The following CACNA2D2 variants were observed in gnomAD, a reference collection of about 807,000 sequenced individuals.
CACNA2D2 encodes calcium voltage-gated channel auxiliary subunit alpha2delta 2.
A neutral mutation model predicts 166.4 loss-of-function variants in CACNA2D2; 48 were observed. The ratio of observed to expected loss-of-function variants is 0.29; its 90% CI spans 0.23 to 0.37. CACNA2D2 has a LOEUF of 0.37. Among genes scored for constraint, CACNA2D2 ranks in the 10% least tolerant of loss-of-function variants. CACNA2D2 has a pLI of 1.00. For synonymous variants in CACNA2D2, 561 were observed against 573.7 expected (o/e 0.98, Z 0.32); for missense variants, 1,122 against 1,433.0 (o/e 0.78, Z 3.50).
chr3:50,462,332 G>A (rs1709623883), intron 2 of CACNA2D2, among the ~76,000 whole-genome samples: 2 of 151,104 alleles, frequency 1.3e-5, no homozygotes, highest in African/African-American at 4.9e-5. Flanking sequence ...AGGTTGCAGT[G>A]AGCTGAGATG....
intron 2 of CACNA2D2, among the ~76,000 whole-genome samples, chr3:50,442,148 G>C (rs1040354408): frequency 6.6e-5 from 10 of 152,198 alleles, no homozygotes; most frequent in Non-Finnish European, 1.3e-4. Context: ...TCACGAGGAT[G>C]CTTTGGGGAC....
chr3:50,500,762 G>A (rs908146656), intron 1 of CACNA2D2, among the ~76,000 whole-genome samples: 13 of 47,578 alleles, frequency 2.7e-4, no homozygotes, highest in South Asian at 5.2e-4. Context: ...CCCACCCCCC[G>A]CCCAAAAAAA....
At position 50,379,557 on chromosome 3, in the gene CACNA2D2, T is replaced by C; in HGVS notation, c.1027A>G (p.Thr343Ala). Residue 343 changes from threonine to alanine, a missense_variant, in exon 11 of 38, where the codon ACA (threonine) becomes GCA (alanine). Coordinates refer to ENST00000424201, the MANE Select transcript of CACNA2D2 (RefSeq NM_006030.4). The surrounding 1 kb of genome is among the most constrained non-coding windows in gnomAD (Gnocchi z 6.5). ...NEKAQPVSCFTHLVQANVRNK... is the reference protein window; with the variant it reads ...NEKAQPVSCFAHLVQANVRNK... ...CGCACATTGGCCTGCACCAGGTGTGTGAAGCATGACACAGGCTGTGCCTTC... is the reference window on the plus strand; with the variant it reads ...CGCACATTGGCCTGCACCAGGTGTGCGAAGCATGACACAGGCTGTGCCTTC... 6.2e-7 allele frequency: 1 copy of C among 1,613,966 alleles called. No individual in the cohort carries two copies. Among genetic ancestry groups the C allele is most frequent in the Non-Finnish European group, 8.5e-7 (1 of 1,180,028 alleles).
chr3:50,367,218 G>T lies in CACNA2D2; in HGVS notation c.2402-109C>A. 1.0e-6 allele frequency: 1 copy of T among 999,312 alleles called. No individual in the cohort carries two copies. The highest frequency in any genetic ancestry group is 1.5e-6 in the Non-Finnish European group (1 of 648,256). The allele number at this position is 999,312 out of a possible 1,614,324, so 61.9% of individuals were successfully genotyped here. A position where few individuals can be genotyped will look rare whatever the true frequency, so the allele number is the denominator to read the frequency against. On this transcript the variant is annotated intron_variant, in intron 27 of 37. Coordinates refer to ENST00000424201, the MANE Select transcript of CACNA2D2 (RefSeq NM_006030.4). This position sits in a 1 kb window ranked among gnomAD's most constrained non-coding sequence, Gnocchi z 6.5. ...CAATCCCGGGATGACTCCAGCCCAA[G>T]CACCCAGCACTCAGGACAGTGTTTG...
rs1446692824 is a variant in CACNA2D2 at position 50,398,141 on chromosome 3, G to C, written c.406-3973C>G. On this transcript the variant is annotated intron_variant, in intron 3 of 37. Coordinates refer to ENST00000424201, the MANE Select transcript of CACNA2D2 (RefSeq NM_006030.4). ...ACCTATTGGGATACCACGCAGGGCA[G>C]GGACAGGGTGCCTGTCTCTGGAGTG... is the stretch of plus-strand genomic sequence containing the variant. Among the ~76,000 whole-genome samples, 6 of 152,344 alleles carry C rather than the reference G, an allele frequency of 3.9e-5. No individual in the cohort carries two copies. The South Asian group carries it at 1.0e-3, about 26-fold the overall frequency.
Position 50,503,342 on chromosome 3 carries a change from G to T in CACNA2D2, c.82C>A (p.His28Asn), listed in dbSNP as rs1699065307. The change falls in exon 1 of 38, where the codon CAC becomes AAC. Residue 28 changes from histidine to asparagine, a missense_variant. Transcript: ENST00000424201. The stretch of plus-strand genomic sequence containing the variant: ...GGGCGCCGGGTGCCGGGGCCAGGGT[G>T]GGGGCCGCAGCCGGGCCAGGGGCGC... ...TARPWPGCGP[H>N]PGPGTRRPTS... 1 of 353,996 alleles carries T rather than the reference G, an allele frequency of 2.8e-6. No homozygotes were observed. Among genetic ancestry groups the T allele is most frequent in the Non-Finnish European group, 4.8e-6 (1 of 210,054 alleles). 21.9% of individuals were successfully genotyped at this position (353,996 alleles called of 1,614,324 possible). A position where few individuals can be genotyped will look rare whatever the true frequency, so the allele number is the denominator to read the frequency against.
chr3:50,467,465 G>A (rs2236988), intron 2 of CACNA2D2, among the ~76,000 whole-genome samples: 21,570 of 152,152 alleles, frequency 0.14, 2,828 homozygotes, highest in East Asian at 0.62. Flanking sequence ...GAGCACTGCC[G>A]CTTTGCTTCT....
chr3:50,390,412 C>G (rs1705826426), intron 4 of CACNA2D2, among the ~76,000 whole-genome samples: 1 of 152,280 alleles, frequency 6.6e-6, no homozygotes, highest in South Asian at 2.1e-4. Flanking sequence ...ATGAAGAGAA[C>G]AGGGAGCTGG....
In CACNA2D2 at chr3:50,367,236, A is replaced by C. The variant is rs1704358864; in HGVS notation, c.2402-127T>G. On this transcript the variant is annotated intron_variant, in intron 27 of 37. Coordinates refer to ENST00000424201, the MANE Select transcript of CACNA2D2 (RefSeq NM_006030.4). The surrounding 1 kb of genome is among the most constrained non-coding windows in gnomAD (Gnocchi z 6.5). ...AGCCCAAGCACCCAGCACTCAGGAC[A>C]GTGTTTGGCACAGTCTATCCCTCTT... 1 of 979,016 alleles carries C rather than the reference A, an allele frequency of 1.0e-6. No individual in the cohort carries two copies. Among genetic ancestry groups the C allele is most frequent in the Non-Finnish European group, 1.6e-6 (1 of 631,064 alleles). 60.6% of individuals were successfully genotyped at this position (979,016 alleles called of 1,614,324 possible). A position where few individuals can be genotyped will look rare whatever the true frequency, so the allele number is the denominator to read the frequency against.
In CACNA2D2 at chr3:50,374,740, T is replaced by C; in HGVS notation, c.1981A>G (p.Lys661Glu). 6.3e-7 allele frequency: 1 copy of C among 1,592,712 alleles called. No individual in the cohort carries two copies. The highest frequency in any genetic ancestry group is 8.5e-7 in the Non-Finnish European group (1 of 1,169,982). ...AGGCAGGGGCCGGGCCACTTACACT[T>C]GACCTGCAGGATCTGGTCACTGAGA... is the stretch of plus-strand genomic sequence containing the variant. ...ANLSDQILQVKYFEFLLPSSF... is the reference protein window; with the variant it reads ...ANLSDQILQVEYFEFLLPSSF... Residue 661 changes from lysine to glutamate, a missense_variant, in exon 22 of 38, where the codon AAG becomes GAG. Around this residue, in one of 2 missense-constraint regions of CACNA2D2, gnomAD observed 840 missense variants for 1,166.8 expected, o/e 0.72. Transcript: ENST00000424201.
intron 3 of CACNA2D2, among the ~76,000 whole-genome samples, chr3:50,405,902 T>C (rs1240614906): frequency 6.6e-6 from 1 of 152,178 alleles, no homozygotes; most frequent in African/African-American, 2.4e-5. Flanking sequence ...ACCATGGTGC[T>C]AGCCAAACCA....
intron 2 of CACNA2D2, among the ~76,000 whole-genome samples, chr3:50,473,523 C>A (rs145281812): frequency 2.0e-5 from 3 of 152,326 alleles, no homozygotes; most frequent in African/African-American, 7.2e-5. Context: ...CACTGGGGGC[C>A]AAGGCTGTCA....
rs776081784 is a variant in CACNA2D2 at position 50,367,856 on chromosome 3, C to T, written c.2190G>A (p.Thr730=). 7.6e-6 allele frequency: 11 copies of T among 1,438,798 alleles called. No homozygotes were observed. The highest frequency in any genetic ancestry group is 3.4e-5 in the East Asian group (1 of 29,334). 89.1% of individuals were successfully genotyped at this position (1,438,798 alleles called of 1,614,324 possible). The part of the protein sequence containing the change: ...LHNLILDTGI[T]QQLVERVWRD... Reference sequence around the variant, plus strand: ...TCCACACACGCTCTACCAGCTGCTGCGTGATGCCCGTGTCCAAGATCAGGT... The same window carrying T: ...TCCACACACGCTCTACCAGCTGCTGTGTGATGCCCGTGTCCAAGATCAGGT... Residue 730 remains threonine, a synonymous_variant, in exon 25 of 38, where the codon ACG becomes ACA. Transcript: ENST00000424201. The surrounding 1 kb of genome is among the most constrained non-coding windows in gnomAD (Gnocchi z 6.5).
At chr3:50,443,015 G>A (rs1708675136) in intron 2 of CACNA2D2, among the ~76,000 whole-genome samples, 1 of 152,174 alleles carries the variant, frequency 6.6e-6, no homozygotes, top group South Asian at 2.1e-4. Context: ...TTGAGCCTGA[G>A]GTGAACCAAA....
chr3:50,423,419 A>G (rs940681527), intron 3 of CACNA2D2, among the ~76,000 whole-genome samples: 1 of 152,236 alleles, frequency 6.6e-6, no homozygotes, highest in African/African-American at 2.4e-5. Context: ...TGTGCCAGGT[A>G]GAGACTGCCT....
At chr3:50,400,654 G>A (rs564551195) in intron 3 of CACNA2D2, among the ~76,000 whole-genome samples, 2 of 152,358 alleles carry the variant, frequency 1.3e-5, no homozygotes, top group South Asian at 4.1e-4. Context: ...GAGGGTGATG[G>A]AGACACGCCA....
intron 2 of CACNA2D2, among the ~76,000 whole-genome samples, chr3:50,440,712 C>G (rs1257663546): frequency 2.6e-5 from 4 of 152,032 alleles, no homozygotes; most frequent in African/African-American, 9.7e-5. Flanking sequence ...CTCCCCCACC[C>G]CCACCTCCTT....
chr3:50,470,799 G>A (rs938302260), intron 2 of CACNA2D2, among the ~76,000 whole-genome samples: 3 of 151,906 alleles, frequency 2.0e-5, no homozygotes, highest in Non-Finnish European at 4.4e-5. Context: ...CACAGAGGGG[G>A]TCTAGGCAGG....
At chr3:50,424,270 T>C (rs1030256417) in intron 3 of CACNA2D2, among the ~76,000 whole-genome samples, 5 of 152,184 alleles carry the variant, frequency 3.3e-5, no homozygotes, top group African/African-American at 1.2e-4. Context: ...AGGTTCTTTT[T>C]TGGGGCAGTG....
Sources: allele counts gnomAD v4.1 joint callset (sites outside exome capture counted in the v4.1 genomes callset), GRCh38; gene constraint gnomAD v4.1.1; regional missense constraint gnomAD v4.1.1; non-coding constraint Gnocchi (gnomAD v3.1); transcripts MANE v1.5; gene names NCBI Gene and HGNC (gene_info 2026-07-23, HGNC 2026-07-21).